The following HNRNPA1L2 variants were observed in gnomAD, a reference collection of about 807,000 sequenced individuals.
HNRNPA1L2 encodes the protein heterogeneous nuclear ribonucleoprotein A1 like 2.
HNRNPA1L2 carries 10 observed loss-of-function variants against 18.2 expected under a neutral mutation model. The ratio of observed to expected loss-of-function variants is 0.55; its 90% CI spans 0.34 to 0.93. The LOEUF (loss-of-function observed/expected upper bound fraction) is 0.93, where lower values mean the gene tolerates loss of function less well. Ranked by LOEUF, HNRNPA1L2 falls within the 40% of genes least tolerant of loss-of-function variation. HNRNPA1L2 has a pLI of 0.02. For missense variants in HNRNPA1L2, 308 were observed against 394.4 expected, an observed-to-expected ratio of 0.78 and a Z score of 1.85; for synonymous variants, 124 against 138.6, an observed-to-expected ratio of 0.89 and a Z score of 0.74.
upstream of HNRNPA1L2, chr13:52,637,488 A>G (rs1961497284): frequency 9.1e-6 from 2 of 219,638 alleles, no homozygotes; most frequent in East Asian, 2.3e-4. Flanking sequence ...ATTGATTGAG[A>G]TTATTTCTGC....
In HNRNPA1L2 at chr13:52,643,177, G is replaced by C. The variant is rs540909088; in HGVS notation, c.685G>C (p.Gly229Arg). 44 of 1,598,034 alleles carry C rather than the reference G, an allele frequency of 2.8e-5. No individual in the cohort carries two copies. In the South Asian group the frequency reaches 4.7e-4, roughly 17 times the overall value. Residue 229 changes from glycine to arginine, a missense_variant, in exon 1 of 1, where the codon GGT (glycine) becomes CGT (arginine). Physicochemically the swap from Gly to Arg is moderately radical, Grantham distance 125. Transcript: ENST00000357495. ...AAACTTCAGTGGTCGTGGTGGCTTT[G>C]GTGGCAGCTGTGGTGGTGGTGGATA... is the stretch of plus-strand genomic sequence containing the variant. ...GGNFSGRGGF[G>R]GSCGGGGYGG... is the part of the protein sequence containing the mutation.
At chr13:52,624,190 C>T in the HNRNPA1L2 span, among the ~76,000 whole-genome samples, 1 of 152,214 alleles carries the variant, frequency 6.6e-6, no homozygotes, top group Non-Finnish European at 1.5e-5. Flanking sequence ...TCTTGGCTCA[C>T]TGCTATCTCC....
chr13:52,643,639 A>G lies in HNRNPA1L2; in HGVS notation c.*184A>G. 1.6e-6 allele frequency: 1 copy of G among 618,868 alleles called. No homozygotes were observed. 38.3% of individuals were successfully genotyped at this position (618,868 alleles called of 1,614,324 possible). A position where few individuals can be genotyped will look rare whatever the true frequency, so the allele number is the denominator to read the frequency against. On this transcript the variant is annotated 3_prime_UTR_variant, in exon 1 of 1. Transcript: ENST00000357495. The stretch of plus-strand genomic sequence containing the variant: ...AACTCGAGGACTGTATTTGTGACTA[A>G]TTGTATAACAGGTTATTTTAGTTTC...
At chr13:52,638,434 C>T (rs74087371), upstream of HNRNPA1L2, among the ~76,000 whole-genome samples, 2,101 of 152,218 alleles carry the variant, frequency 0.014, 47 homozygotes, top group African/African-American at 0.049. Context: ...CAGTTGAGAC[C>T]ATGTTGTTAA....
the HNRNPA1L2 span, among the ~76,000 whole-genome samples, chr13:52,631,642 C>G: frequency 6.6e-6 from 1 of 152,070 alleles, no homozygotes; most frequent in East Asian, 1.9e-4. Flanking sequence ...TTCATTTTTT[C>G]CGGTTCTATT....
the HNRNPA1L2 span, among the ~76,000 whole-genome samples, chr13:52,636,701 T>A: frequency 1.3e-5 from 2 of 152,208 alleles, no homozygotes; most frequent in Non-Finnish European, 2.9e-5. Context: ...GTATAAAAAA[T>A]ATTCATATTC....
chr13:52,619,100 C>T, the HNRNPA1L2 span, among the ~76,000 whole-genome samples: 5 of 152,062 alleles, frequency 3.3e-5, no homozygotes, highest in East Asian at 1.9e-4. Flanking sequence ...CTCCGCCTCC[C>T]GGGTTCAAGC....
At chr13:52,636,245 A>G in the HNRNPA1L2 span, among the ~76,000 whole-genome samples, 2 of 152,220 alleles carry the variant, frequency 1.3e-5, no homozygotes, top group African/African-American at 4.8e-5. Flanking sequence ...ACTTTCGTGT[A>G]CAAGTCTTTG....
chr13:52,620,550 G>A, the HNRNPA1L2 span, among the ~76,000 whole-genome samples: 8 of 152,176 alleles, frequency 5.3e-5, no homozygotes, highest in Non-Finnish European at 1.0e-4. Flanking sequence ...GTGTCTCCTG[G>A]AAACAGCTAC....
the HNRNPA1L2 span, among the ~76,000 whole-genome samples, chr13:52,631,382 A>T: frequency 6.6e-6 from 1 of 152,200 alleles, no homozygotes; most frequent in African/African-American, 2.4e-5. Flanking sequence ...GTGCTCAGCA[A>T]ATGTCCATTC....
the HNRNPA1L2 span, among the ~76,000 whole-genome samples, chr13:52,631,186 A>G: frequency 6.6e-6 from 1 of 152,254 alleles, no homozygotes; most frequent in African/African-American, 2.4e-5. Flanking sequence ...TTGGAAATTG[A>G]CAGTTCACAC....
At chr13:52,626,814 A>C in the HNRNPA1L2 span, among the ~76,000 whole-genome samples, 1 of 151,846 alleles carries the variant, frequency 6.6e-6, no homozygotes, top group African/African-American at 2.4e-5. Context: ...TGTGTTTCCC[A>C]TTTTCACCTT....
At chr13:52,624,573 C>T in the HNRNPA1L2 span, among the ~76,000 whole-genome samples, 1 of 152,328 alleles carries the variant, frequency 6.6e-6, no homozygotes, top group East Asian at 1.9e-4. Context: ...GAGTAATATA[C>T]ATTTGGCCCT....
chr13:52,624,626 GT>G, the HNRNPA1L2 span, among the ~76,000 whole-genome samples: 1 of 152,096 alleles, frequency 6.6e-6, no homozygotes, highest in Non-Finnish European at 1.5e-5. Flanking sequence ...TTCTGATAAC[GT>G]TTTTTAAGAA....
the HNRNPA1L2 span, among the ~76,000 whole-genome samples, chr13:52,630,164 A>G: frequency 3.9e-5 from 6 of 152,220 alleles, no homozygotes; most frequent in Admixed American, 1.3e-4. Context: ...GTTGTTCTGT[A>G]TTTACATAAA....
At chr13:52,628,974 C>T in the HNRNPA1L2 span, among the ~76,000 whole-genome samples, 1 of 152,160 alleles carries the variant, frequency 6.6e-6, no homozygotes, top group Non-Finnish European at 1.5e-5. Context: ...CTCCTGGGTT[C>T]AAGCGATTCT....
upstream of HNRNPA1L2, among the ~76,000 whole-genome samples, chr13:52,639,584 C>T (rs542838633): frequency 3.3e-5 from 5 of 150,906 alleles, no homozygotes; most frequent in African/African-American, 1.2e-4. Context: ...GAGAAGTGCT[C>T]TGAGTGTGTC....
the HNRNPA1L2 span, chr13:52,632,562 T>G: frequency 6.5e-6 from 1 of 153,220 alleles, no homozygotes; most frequent in East Asian, 1.9e-4. Flanking sequence ...CTTAGTGTTC[T>G]GATGGTGTAA....
chr13:52,632,940 C>T, the HNRNPA1L2 span, among the ~76,000 whole-genome samples: 2 of 152,320 alleles, frequency 1.3e-5, no homozygotes, highest in Admixed American at 1.3e-4. Context: ...TGGCTCCCTG[C>T]CCAGCCTTCA....
Sources: gnomAD v4.1 joint callset for allele counts (sites outside exome capture counted in the v4.1 genomes callset) on GRCh38, gnomAD v4.1.1 for gene constraint, MANE v1.5 for transcripts, NCBI Gene and HGNC (gene_info 2026-07-23, HGNC 2026-07-21) for gene names.